Variants in BICRA observed in about 807,000 individuals in gnomAD.
The protein encoded by BICRA is BRD4 interacting chromatin remodeling complex associated protein.
In BICRA, 31 loss-of-function variants were observed where a neutral mutation model predicts 96.9. That is an observed-to-expected ratio of 0.32 (90% confidence interval 0.24 to 0.43). BICRA has a LOEUF of 0.43. Among genes scored for constraint, BICRA ranks in the 20% least tolerant of loss-of-function variants. The pLI is 1.00. For synonymous variants in BICRA, 1,350 were observed against 1,071.8 expected (o/e 1.26, Z -5.07); for missense variants, 2,283 against 2,190.3 (o/e 1.04, Z -0.84).
At chr19:47,647,749 C>A (rs1018403870) in intron 1 of BICRA, among the ~76,000 whole-genome samples, 3 of 152,066 alleles carry the variant, frequency 2.0e-5, no homozygotes, top group Non-Finnish European at 4.4e-5. Flanking sequence ...GAGAAATGTG[C>A]TTTTCCATGG....
rs969911937 is a variant in BICRA at position 47,694,162 on chromosome 19, G to A, written c.2331G>A (p.Pro777=). ...AGGGCCCAGGCCCCTCTTCGTCCCC[G>A]TCACTACCTCACCAGGCCCCTCTGG... ...PLKGPGPSSS[P]SLPHQAPLGD... The change falls in exon 8 of 15, where the codon CCG becomes CCA. Residue 777 remains proline, a synonymous_variant. Coordinates refer to ENST00000594866, the MANE Select transcript of BICRA (RefSeq NM_001394372.1). 142 of 1,241,542 alleles carry A rather than the reference G, an allele frequency of 1.1e-4. 1 individual carries two copies. In the Admixed American group the frequency reaches 2.4e-3, roughly 21 times the overall value. The allele number at this position is 1,241,542 out of a possible 1,614,324, so 76.9% of individuals were successfully genotyped here. A position where few individuals can be genotyped will look rare whatever the true frequency, so the allele number is the denominator to read the frequency against.
At chr19:47,626,571 GTTT>G (rs549577847) in intron 1 of BICRA, among the ~76,000 whole-genome samples, 4 of 126,626 alleles carry the variant, frequency 3.2e-5, no homozygotes, top group Non-Finnish European at 3.3e-5. Context: ...TAATTTTTTG[GTTT>G]TTTTTTTTTT....
At chr19:47,673,638 C>G (rs1972897903) in intron 3 of BICRA, 23 bp downstream of exon 3, 1 of 1,587,452 alleles carries the variant, frequency 6.3e-7, no homozygotes, top group African/African-American at 1.3e-5. Context: ...CTCCCCACCC[C>G]CTGCCCTCTG....
chr19:47,685,786 T>TGTGTGTGTGTGCGCGC, intron 7 of BICRA, among the ~76,000 whole-genome samples: 28 of 117,970 alleles, frequency 2.4e-4, no homozygotes, highest in East Asian at 1.4e-3. Flanking sequence ...TGTGTGTGTG[T>TGTGTGTGTGTGCGCGC]GCGCGCGCGC....
chr19:47,695,866 G>T (rs572303111), intron 10 of BICRA, among the ~76,000 whole-genome samples: 1 of 152,056 alleles, frequency 6.6e-6, no homozygotes, highest in Non-Finnish European at 1.5e-5. Context: ...ATCAGGGACC[G>T]AGAATGAAAG....
chr19:47,693,981 C>A, intron 7 of BICRA, 134 bp from the exon 8 acceptor site: 1 of 1,081,660 alleles, frequency 9.2e-7, no homozygotes, highest in Non-Finnish European at 1.3e-6. Flanking sequence ...TGGTGGGCTC[C>A]TCTCTCAGGA....
intron 1 of BICRA, among the ~76,000 whole-genome samples, chr19:47,657,050 A>T (rs556482144): frequency 1.3e-5 from 2 of 151,968 alleles, no homozygotes; most frequent in South Asian, 4.1e-4. Flanking sequence ...TTTAGTAGAG[A>T]CAGGGTTTCA....
In BICRA at chr19:47,694,207, C is replaced by CA; in HGVS notation, c.2376_2377insA (p.Ser793IlefsTer78). 12 of 1,322,902 alleles carry CA rather than the reference C, an allele frequency of 9.1e-6. No individual in the cohort carries two copies. The highest frequency in any genetic ancestry group is 1.4e-5 in the South Asian group (1 of 69,046). The allele number at this position is 1,322,902 out of a possible 1,614,324, so 81.9% of individuals were successfully genotyped here. ...CTCTGGGGGACAGCCCCCACCTGCC[C>CA]TCCCCACACCCCACCCGGCCCCCTT... On this transcript the variant is annotated frameshift_variant, in exon 8 of 15. Transcript: ENST00000594866. LOFTEE classifies it high-confidence loss of function.
intron 1 of BICRA, chr19:47,615,821 T>A (rs1488395381): frequency 6.6e-6 from 1 of 152,168 alleles, no homozygotes; most frequent in Non-Finnish European, 1.5e-5. Flanking sequence ...CTCAGTTTCC[T>A]TGTCTATAAA....
At position 47,674,919 on chromosome 19, in the gene BICRA, A is replaced by T. The variant is rs557753057; in HGVS notation, c.85-932A>T. On this transcript the variant is annotated intron_variant, in intron 4 of 14. Transcript: ENST00000594866. Reference sequence around the variant, plus strand: ...AAGCTAATCAGTCAGTCTGGCCAGCACTCAGAGGGAGGGGAATTGAGCTCC... The same window carrying T: ...AAGCTAATCAGTCAGTCTGGCCAGCTCTCAGAGGGAGGGGAATTGAGCTCC... 1.1e-4 allele frequency among the ~76,000 whole-genome samples: 17 copies of T among 152,284 alleles called. No homozygotes were observed. The South Asian group carries it at 1.2e-3, about 11-fold the overall frequency.
At chr19:47,644,673 G>A (rs1413206083) in intron 1 of BICRA, among the ~76,000 whole-genome samples, 1 of 151,896 alleles carries the variant, frequency 6.6e-6, no homozygotes, top group Admixed American at 6.6e-5. Flanking sequence ...GATAAGTTTT[G>A]TATTTTTAGT....
chr19:47,699,974 G>A lies in BICRA; in HGVS notation c.3595+569G>A, dbSNP rs11882089. The stretch of plus-strand genomic sequence containing the variant: ...CTGCCAGGCGCAGGCTTTTTACGTC[G>A]AGCTCTGGACCTTAATTTTGAAAAA... On this transcript the variant is annotated intron_variant, in intron 14 of 14. Coordinates refer to ENST00000594866, the MANE Select transcript of BICRA (RefSeq NM_001394372.1). The surrounding 1 kb of genome is among the most constrained non-coding windows in gnomAD (Gnocchi z 5.0). 1,630 of 154,808 alleles carry A rather than the reference G, an allele frequency of 0.011. 23 individuals are homozygous for A. The highest frequency in any genetic ancestry group is 0.037 in the African/African-American group (1,527 of 41,506). 9.6% of individuals were successfully genotyped at this position (154,808 alleles called of 1,614,324 possible).
chr19:47,676,334 G>A (rs1052105484), intron 5 of BICRA, among the ~76,000 whole-genome samples: 2 of 152,060 alleles, frequency 1.3e-5, no homozygotes, highest in Non-Finnish European at 2.9e-5. Flanking sequence ...TAGGGGAGGG[G>A]CCTCCTCACC....
At chr19:47,656,931 G>A (rs1415402654) in intron 1 of BICRA, among the ~76,000 whole-genome samples, 1 of 151,720 alleles carries the variant, frequency 6.6e-6, no homozygotes, top group South Asian at 2.1e-4. Context: ...TGGCGATCTC[G>A]GCTCACTGCA....
At position 47,680,095 on chromosome 19, in the gene BICRA, G is replaced by A. The variant is rs1376793923; in HGVS notation, c.925G>A (p.Gly309Ser). Residue 309 changes from glycine to serine, a missense_variant, in exon 6 of 15, where the codon GGC becomes AGC. Physicochemically the swap from Gly to Ser is moderately conservative, Grantham distance 56. Coordinates refer to ENST00000594866, the MANE Select transcript of BICRA (RefSeq NM_001394372.1). ...GCTCAATGGGAACTCTGTGTTCGGAGGCGCGGGGGCCGCCTCGGCTCCCAC... is the reference window on the plus strand; with the variant it reads ...GCTCAATGGGAACTCTGTGTTCGGAAGCGCGGGGGCCGCCTCGGCTCCCAC... ...TTLNGNSVFG[G>S]AGAASAPTGT... The A allele has an allele frequency of 1.9e-6, 3 of 1,551,534 alleles. No individual in the cohort carries two copies. The highest frequency in any genetic ancestry group is 1.9e-5 in the Admixed American group (1 of 51,758).
Position 47,680,058 on chromosome 19 carries a change from T to TGTG in BICRA, c.890_892dup (p.Val297dup). ...TCATCCAGAAGAACCTCTCGGCCGC[T>TGTG]GTGGCCACCACGCTCAATGGGAACT... On this transcript the variant is annotated inframe_insertion, in exon 6 of 15. Transcript: ENST00000594866. 3 of 1,560,462 alleles carry TGTG rather than the reference T, an allele frequency of 1.9e-6. No homozygotes were observed.
chr19:47,615,602 A>AAG (rs774691257), intron 1 of BICRA: 29,614 of 152,076 alleles, frequency 0.19, 3,224 homozygotes, highest in Middle Eastern at 0.28. Flanking sequence ...TCATATCAGT[A>AAG]CCTACTTGGT....
In BICRA at chr19:47,700,972, C is replaced by G. The variant is rs1195948991; in HGVS notation, c.3596-356C>G. 1.5e-5 allele frequency: 5 copies of G among 332,168 alleles called. No homozygotes were observed. In the South Asian group the frequency reaches 1.7e-4, roughly 11 times the overall value. The allele number at this position is 332,168 out of a possible 1,614,324, so 20.6% of individuals were successfully genotyped here. A position where few individuals can be genotyped will look rare whatever the true frequency, so the allele number is the denominator to read the frequency against. Reference sequence around the variant, plus strand: ...TTTGTTTGTTTGTAGAGACAGGGGTCTCACTACTGTGGCCAGGCAGGTCTC... The same window carrying G: ...TTTGTTTGTTTGTAGAGACAGGGGTGTCACTACTGTGGCCAGGCAGGTCTC... On this transcript the variant is annotated intron_variant, in intron 14 of 14. Coordinates refer to ENST00000594866, the MANE Select transcript of BICRA (RefSeq NM_001394372.1).
At chr19:47,670,138 C>T (rs1413359304) in intron 1 of BICRA, among the ~76,000 whole-genome samples, 1 of 151,496 alleles carries the variant, frequency 6.6e-6, no homozygotes, top group African/African-American at 2.4e-5. Flanking sequence ...TTTGTAGAGA[C>T]AAGATCTCCC....
Sources: allele counts gnomAD v4.1 joint callset (sites outside exome capture counted in the v4.1 genomes callset), GRCh38; gene constraint gnomAD v4.1.1; non-coding constraint Gnocchi (gnomAD v3.1); transcripts MANE v1.5; gene names NCBI Gene and HGNC (gene_info 2026-07-23, HGNC 2026-07-21).